The following BIRC2 variants were observed in gnomAD, a reference collection of about 807,000 sequenced individuals.
BIRC2 encodes baculoviral IAP repeat-containing protein 2.
Under a neutral mutation model 60.9 loss-of-function variants are expected in BIRC2, and 18 were observed. The ratio of observed to expected loss-of-function variants is 0.30; its 90% CI spans 0.20 to 0.44. The LOEUF is 0.44. Ranked by LOEUF, BIRC2 falls within the 20% of genes least tolerant of loss-of-function variation. The pLI is 1.00. For missense variants in BIRC2, 701 were observed against 728.5 expected, an observed-to-expected ratio of 0.96 and a Z score of 0.43; for synonymous variants, 282 against 247.7, an observed-to-expected ratio of 1.14 and a Z score of -1.30.
chr11:102,368,110 A>G (rs1341837309), intron 5 of BIRC2, among the ~76,000 whole-genome samples, 196 bp from the exon 6 acceptor site: 1 of 152,252 alleles, frequency 6.6e-6, no homozygotes, highest in Admixed American at 6.5e-5. Flanking sequence ...TGTAAAAAGT[A>G]TAGCATATTA....
chr11:102,373,583 C>T (rs1338576969), intron 6 of BIRC2, among the ~76,000 whole-genome samples: 1 of 151,840 alleles, frequency 6.6e-6, no homozygotes, highest in Non-Finnish European at 1.5e-5. Context: ...CGACCTTTCT[C>T]TCTGGCTGCC....
intron 5 of BIRC2, among the ~76,000 whole-genome samples, chr11:102,367,849 C>T (rs1366370300): frequency 6.6e-6 from 1 of 152,202 alleles, no homozygotes; most frequent in Non-Finnish European, 1.5e-5. Context: ...ATCCACTTGT[C>T]TAGACCCTGT....
chr11:102,360,462 T>A (rs1442921360), intron 3 of BIRC2, among the ~76,000 whole-genome samples: 1 of 152,008 alleles, frequency 6.6e-6, no homozygotes, highest in Non-Finnish European at 1.5e-5. Context: ...TGTTGTTATG[T>A]TCTTCAGCTC....
intron 4 of BIRC2, 148 bp from the exon 5 acceptor site, chr11:102,363,520 G>A (rs1951508486): frequency 2.1e-6 from 1 of 472,782 alleles, no homozygotes; most frequent in South Asian, 4.2e-5. Context: ...ATGTGATTAG[G>A]GTAAAAGAAA....
chr11:102,357,259 C>G (rs1313902716), intron 3 of BIRC2, among the ~76,000 whole-genome samples: 1 of 151,800 alleles, frequency 6.6e-6, no homozygotes, highest in East Asian at 1.9e-4. Flanking sequence ...CTCCTCCCTC[C>G]TTACTCCCTC....
chr11:102,349,944 T>A lies in BIRC2; in HGVS notation c.90T>A (p.Asp30Glu), dbSNP rs1392475818. 6.2e-7 allele frequency: 1 copy of A among 1,614,190 alleles called. No homozygotes were observed. The highest frequency in any genetic ancestry group is 1.1e-5 in the South Asian group (1 of 91,080). Residue 30 changes from aspartate to glutamate, a missense_variant, in exon 2 of 9, where the codon GAT becomes GAA. By Grantham distance (45) the Asp-to-Glu change is conservative. This residue lies in a region of BIRC2 where 375 missense variants were observed against 365.9 expected (regional missense o/e 1.02). Coordinates refer to ENST00000227758, the MANE Select transcript of BIRC2 (RefSeq NM_001166.5). ...TGGAAGATAGCACGATCTTGTCAGA[T>A]TGGACAAACAGCAACAAACAAAAAA... is the stretch of plus-strand genomic sequence containing the variant. ...SIMEDSTILS[D>E]WTNSNKQKMK...
rs545582046 is a variant in BIRC2 at position 102,363,033 on chromosome 11, A to C, written c.1074+59A>C. On this transcript the variant is annotated intron_variant, in intron 4 of 8. Coordinates refer to ENST00000227758, the MANE Select transcript of BIRC2 (RefSeq NM_001166.5). ...TCTGCTTTATAATAACAAAAATATT[A>C]TTAGGTTGGTATAAAAGTGATCATG... 1.9e-5 allele frequency: 25 copies of C among 1,286,290 alleles called. No individual in the cohort carries two copies. The African/African-American group carries it at 3.3e-4, about 17-fold the overall frequency. 79.7% of individuals were successfully genotyped at this position (1,286,290 alleles called of 1,614,324 possible).
At chr11:102,372,512 T>C (rs1951645765) in intron 6 of BIRC2, among the ~76,000 whole-genome samples, 1 of 152,136 alleles carries the variant, frequency 6.6e-6, no homozygotes, top group African/African-American at 2.4e-5. Context: ...TCTAGTTTGA[T>C]TGCACTGTGG....
Position 102,350,051 on chromosome 11 carries a change from G to A in BIRC2, c.197G>A (p.Ser66Asn), listed in dbSNP as rs1223209914. The stretch of plus-strand genomic sequence containing the variant: ...GCCGGGGTGCCTGTCTCAGAAAGGA[G>A]TCTTGCTCGTGCTGGTTTTTATTAT... ...FPAGVPVSER[S>N]LARAGFYYTG... Residue 66 changes from serine (S) to asparagine (N), a missense_variant, in exon 2 of 9, where the codon AGT becomes AAT. Around this residue, in one of 4 missense-constraint regions of BIRC2, gnomAD observed 375 missense variants for 365.9 expected, o/e 1.02. Transcript: ENST00000227758. 3 of 1,614,236 alleles carry A rather than the reference G, an allele frequency of 1.9e-6. No individual in the cohort carries two copies. The highest frequency in any genetic ancestry group is 2.5e-6 in the Non-Finnish European group (3 of 1,180,048).
chr11:102,377,433 CTA>C (rs1951726990), intron 6 of BIRC2, 61 bp from the exon 7 acceptor site: 3 of 1,444,626 alleles, frequency 2.1e-6, no homozygotes, highest in East Asian at 2.3e-5. Context: ...TTATTAGTGA[CTA>C]TATGAGTATA....
intron 6 of BIRC2, among the ~76,000 whole-genome samples, chr11:102,374,702 C>T (rs13269205): frequency 6.6e-6 from 1 of 152,018 alleles, no homozygotes; most frequent in Non-Finnish European, 1.5e-5. Flanking sequence ...CCACCCAGTT[C>T]GAGTTCCTGG....
intron 3 of BIRC2, among the ~76,000 whole-genome samples, chr11:102,361,203 A>C (rs1240303963): frequency 6.6e-6 from 1 of 152,142 alleles, no homozygotes; most frequent in African/African-American, 2.4e-5. Flanking sequence ...GCAGAAAGAC[A>C]GCGGGTCTTG....
chr11:102,349,954 A>G lies in BIRC2; in HGVS notation c.100A>G (p.Ser34Gly), dbSNP rs1951335888. 2 of 1,614,126 alleles carry G rather than the reference A, an allele frequency of 1.2e-6. No homozygotes were observed. The highest frequency in any genetic ancestry group is 1.7e-6 in the Non-Finnish European group (2 of 1,180,048). ...DSTILSDWTNSNKQKMKYDFS... is the reference protein window; with the variant it reads ...DSTILSDWTNGNKQKMKYDFS... ...CACGATCTTGTCAGATTGGACAAAC[A>G]GCAACAAACAAAAAATGAAGTATGA... Residue 34 changes from serine (S) to glycine (G), a missense_variant, in exon 2 of 9, where the codon AGC (serine) becomes GGC (glycine). By Grantham distance (56) the Ser-to-Gly change is moderately conservative (BLOSUM62 0). Around this residue, in one of 4 missense-constraint regions of BIRC2, gnomAD observed 375 missense variants for 365.9 expected, o/e 1.02. Coordinates refer to ENST00000227758, the MANE Select transcript of BIRC2 (RefSeq NM_001166.5).
chr11:102,356,018 A>G (rs1951415398), intron 3 of BIRC2, among the ~76,000 whole-genome samples: 1 of 152,040 alleles, frequency 6.6e-6, no homozygotes, highest in Non-Finnish European at 1.5e-5. Flanking sequence ...GGTTTTCTAT[A>G]TATATAAGAT....
At chr11:102,362,601 T>C (rs1283029462) in intron 3 of BIRC2, 6 of 254,400 alleles carry the variant, frequency 2.4e-5, no homozygotes, top group African/African-American at 1.1e-4. Context: ...ATAGATTGTG[T>C]ATAATAGTGT....
chr11:102,378,136 A>G lies in BIRC2; in HGVS notation c.1810A>G (p.Ile604Val). The G allele has an allele frequency of 2.5e-6, 4 of 1,613,334 alleles. No individual in the cohort carries two copies. The highest frequency in any genetic ancestry group is 2.2e-5 in the East Asian group (1 of 44,854). The change falls in exon 9 of 9, where the codon ATT (isoleucine) becomes GTT (valine). Residue 604 changes from isoleucine to valine, a missense_variant. Transcript: ENST00000227758. ...TGCCCCTTCTCTAAGAAAATGCCCT[A>G]TTTGCAGGGGTATAATCAAGGGTAC... ...ECAPSLRKCP[I>V]CRGIIKGTVR...
chr11:102,354,175 C>G (rs369924179), intron 3 of BIRC2, among the ~76,000 whole-genome samples: 4 of 152,236 alleles, frequency 2.6e-5, no homozygotes, highest in Admixed American at 6.5e-5. Context: ...ATAATGCCTT[C>G]CAGGTTCATT....
Position 102,377,666 on chromosome 11 carries a change from A to G in BIRC2, c.1537A>G (p.Ile513Val), listed in dbSNP as rs768261156. 23 of 1,611,388 alleles carry G rather than the reference A, an allele frequency of 1.4e-5. No homozygotes were observed. Among genetic ancestry groups the G allele is most frequent in the Non-Finnish European group, 2.0e-5 (23 of 1,179,368 alleles). ...ACAAGCGAGAGAACTGATTGATACCATTTTGGTTAAAGGAAATGCTGCGGC... is the reference window on the plus strand; with the variant it reads ...ACAAGCGAGAGAACTGATTGATACCGTTTTGGTTAAAGGAAATGCTGCGGC... ...PLQARELIDT[I>V]LVKGNAAANI... The change falls in exon 7 of 9, where the codon ATT becomes GTT. Residue 513 changes from isoleucine to valine, a missense_variant. By Grantham distance (29) the Ile-to-Val change is conservative. Around this residue, in one of 4 missense-constraint regions of BIRC2, gnomAD observed 235 missense variants for 208.9 expected, o/e 1.12. Coordinates refer to ENST00000227758, the MANE Select transcript of BIRC2 (RefSeq NM_001166.5).
chr11:102,369,203 G>A (rs1437843502), intron 6 of BIRC2, among the ~76,000 whole-genome samples: 1 of 144,300 alleles, frequency 6.9e-6, no homozygotes, highest in African/African-American at 2.6e-5. Flanking sequence ...TAGGGTACAT[G>A]TGCACATTGT....
Sources: gnomAD v4.1 joint callset for allele counts (sites outside exome capture counted in the v4.1 genomes callset) on GRCh38, gnomAD v4.1.1 for gene constraint, gnomAD v4.1.1 regional missense constraint, MANE v1.5 for transcripts, NCBI Gene and HGNC (gene_info 2026-07-23, HGNC 2026-07-21) for gene names.